Variants in FAT3 observed in about 807,000 individuals in gnomAD.
The protein encoded by FAT3 is protocadherin Fat 3.
A neutral mutation model predicts 310.2 loss-of-function variants in FAT3; 95 were observed. The ratio of observed to expected loss-of-function variants is 0.31; its 90% CI spans 0.26 to 0.36. FAT3 has a LOEUF of 0.36. Ranked by LOEUF, FAT3 falls within the 10% of genes least tolerant of loss-of-function variation. The pLI is 1.00. For synonymous variants in FAT3, 2,314 were observed against 2,192.9 expected (o/e 1.06, Z -1.54); for missense variants, 5,408 against 5,715.6 (o/e 0.95, Z 1.74).
At chr11:92,803,930 T>C (rs2136195362) in intron 10 of FAT3, among the ~76,000 whole-genome samples, 1 of 152,348 alleles carries the variant, frequency 6.6e-6, no homozygotes, top group East Asian at 1.9e-4. Context: ...GCCCTCAGAC[T>C]GAGCAGCCCC....
intron 9 of FAT3, among the ~76,000 whole-genome samples, chr11:92,795,480 A>G (rs1458200563): frequency 6.6e-6 from 1 of 152,094 alleles, no homozygotes; most frequent in Non-Finnish European, 1.5e-5. Context: ...ATAAGCAGGA[A>G]GTGGATTCCA....
chr11:92,290,349 T>C (rs1297814686), intron 1 of FAT3, among the ~76,000 whole-genome samples: 1 of 152,180 alleles, frequency 6.6e-6, no homozygotes, highest in Non-Finnish European at 1.5e-5. Flanking sequence ...CACTAGCTCC[T>C]TAATGGTGCC....
At chr11:92,758,700 G>A (rs185504233) in intron 4 of FAT3, among the ~76,000 whole-genome samples, 1 of 152,346 alleles carries the variant, frequency 6.6e-6, no homozygotes, top group East Asian at 1.9e-4. Flanking sequence ...TGAAGGCAGG[G>A]AGGCCAGGAG....
intron 3 of FAT3, among the ~76,000 whole-genome samples, chr11:92,643,712 A>G (rs569551156): frequency 3.3e-5 from 5 of 152,342 alleles, no homozygotes; most frequent in Non-Finnish European, 2.9e-5. Flanking sequence ...ACTGCCCATA[A>G]ACACCCCAGG....
At chr11:92,466,454 G>A (rs952999038) in intron 2 of FAT3, among the ~76,000 whole-genome samples, 6 of 151,908 alleles carry the variant, frequency 3.9e-5, no homozygotes, top group African/African-American at 9.7e-5. Flanking sequence ...TCTTGTTTTC[G>A]AAGCCATGCT....
rs1950025716 is a variant in FAT3, at chr11:92,896,071, AAG to A, written c.*4960_*4961del. ...ATTGTCTTTATTGACATTTGTAAAA[AAG>A]AATGTGTTTTGCCCAGTTATTAAGT... On this transcript the variant is annotated 3_prime_UTR_variant, in exon 28 of 28. Coordinates refer to ENST00000525166, the MANE Select transcript of FAT3 (RefSeq NM_001367949.2). 1 of 152,166 alleles carries A rather than the reference AAG, an allele frequency of 6.6e-6. No homozygotes were observed. Among genetic ancestry groups the A allele is most frequent in the South Asian group, 2.1e-4 (1 of 4,826 alleles). 9.4% of individuals were successfully genotyped at this position (152,166 alleles called of 1,614,324 possible). A position where few individuals can be genotyped will look rare whatever the true frequency, so the allele number is the denominator to read the frequency against.
At chr11:92,606,744 A>T (rs1940317699) in intron 3 of FAT3, among the ~76,000 whole-genome samples, 2 of 152,230 alleles carry the variant, frequency 1.3e-5, no homozygotes, top group South Asian at 4.1e-4. Context: ...CAAGGCACAA[A>T]ATCAGTAAAC....
At chr11:92,636,524 T>C (rs1052150883) in intron 3 of FAT3, among the ~76,000 whole-genome samples, 1 of 152,208 alleles carries the variant, frequency 6.6e-6, no homozygotes, top group African/African-American at 2.4e-5. Flanking sequence ...ATCATCTTAA[T>C]TGTTGGGCAG....
intron 13 of FAT3, among the ~76,000 whole-genome samples, chr11:92,814,310 T>A (rs1947761741): frequency 6.6e-6 from 1 of 152,230 alleles, no homozygotes; most frequent in African/African-American, 2.4e-5. Context: ...AACCTTCATA[T>A]CCTGATTTAA....
intron 24 of FAT3, among the ~76,000 whole-genome samples, chr11:92,885,216 C>T (rs1357873492): frequency 6.6e-6 from 1 of 152,166 alleles, no homozygotes; most frequent in Non-Finnish European, 1.5e-5. Context: ...GTCAGGGCAG[C>T]AGGTGAATGT....
chr11:92,484,489 G>A (rs914152983), intron 2 of FAT3, among the ~76,000 whole-genome samples: 10 of 152,100 alleles, frequency 6.6e-5, no homozygotes, highest in South Asian at 2.1e-4. Context: ...ACTCAAAATC[G>A]TTCTGGGAAA....
At chr11:92,873,827 A>G (rs1351399070) in intron 22 of FAT3, among the ~76,000 whole-genome samples, 1 of 152,236 alleles carries the variant, frequency 6.6e-6, no homozygotes, top group Non-Finnish European at 1.5e-5. Context: ...TTGAGGGGAA[A>G]GAAGCTATGA....
At chr11:92,635,050 C>T (rs879554058) in intron 3 of FAT3, among the ~76,000 whole-genome samples, 33 of 152,178 alleles carry the variant, frequency 2.2e-4, no homozygotes, top group Non-Finnish European at 4.4e-4. Flanking sequence ...TATCGGACTT[C>T]TAGCTCCAAG....
At chr11:92,760,170 A>G (rs1458220153) in intron 4 of FAT3, among the ~76,000 whole-genome samples, 1 of 152,212 alleles carries the variant, frequency 6.6e-6, no homozygotes, top group Non-Finnish European at 1.5e-5. Flanking sequence ...CAACAAAGCA[A>G]TTGGGAAAAT....
In FAT3 at chr11:92,800,882, A is replaced by G; in HGVS notation, c.7869A>G (p.Gln2623=). 1 of 1,613,374 alleles carries G rather than the reference A, an allele frequency of 6.2e-7. No homozygotes were observed. Among genetic ancestry groups the G allele is most frequent in the Non-Finnish European group, 8.5e-7 (1 of 1,179,624 alleles). The change falls in exon 10 of 28, where the codon CAA becomes CAG. Residue 2623 remains glutamine, a synonymous_variant. Coordinates refer to ENST00000525166, the MANE Select transcript of FAT3 (RefSeq NM_001367949.2). ...VGRGHLVTQV[Q]AIDPDDGANS... ...GGGGCCACTTGGTCACTCAAGTTCA[A>G]GCCATAGATCCCGATGATGGAGCAA...
intron 2 of FAT3, among the ~76,000 whole-genome samples, chr11:92,489,792 A>G (rs1268999477): frequency 6.6e-6 from 1 of 152,070 alleles, no homozygotes. Context: ...GGGAAAATAC[A>G]TTATGACACA....
At chr11:92,411,656 C>T (rs1006291927) in intron 2 of FAT3, among the ~76,000 whole-genome samples, 1 of 152,096 alleles carries the variant, frequency 6.6e-6, no homozygotes, top group Non-Finnish European at 1.5e-5. Flanking sequence ...GAGGGGCCGA[C>T]AGAATAGGAG....
At chr11:92,550,437 C>G (rs1384676443) in intron 3 of FAT3, among the ~76,000 whole-genome samples, 1 of 152,174 alleles carries the variant, frequency 6.6e-6, no homozygotes, top group Non-Finnish European at 1.5e-5. Flanking sequence ...TATATACTGG[C>G]TCAAGATGCA....
intron 22 of FAT3, among the ~76,000 whole-genome samples, chr11:92,872,073 T>G (rs1949406866): frequency 6.6e-6 from 1 of 152,196 alleles, no homozygotes; most frequent in Admixed American, 6.5e-5. Context: ...CCACTCCCTC[T>G]AGGCAATTGT....
Sources: gnomAD v4.1 joint callset for allele counts (sites outside exome capture counted in the v4.1 genomes callset) on GRCh38, gnomAD v4.1.1 for gene constraint, MANE v1.5 for transcripts, NCBI Gene and HGNC (gene_info 2026-07-23, HGNC 2026-07-21) for gene names.